Variants in MYO1E observed in about 807,000 individuals in gnomAD.
MYO1E encodes myosin IE.
In MYO1E, 68 loss-of-function variants were observed where a neutral mutation model predicts 151.1. The observed-to-expected ratio is 0.45, with a 90% CI of 0.37 to 0.55. The LOEUF is 0.55. Among genes scored for constraint, MYO1E ranks in the 20% least tolerant of loss-of-function variants. The pLI, the probability that MYO1E is intolerant of heterozygous loss-of-function variation, is 0.00. For synonymous variants in MYO1E, 601 were observed against 501.7 expected, an observed-to-expected ratio of 1.20 and a Z score of -2.64; for missense variants, 1,363 against 1,389.3, an observed-to-expected ratio of 0.98 and a Z score of 0.30.
chr15:59,175,630 T>A (rs2079620201), intron 19 of MYO1E, among the ~76,000 whole-genome samples: 1 of 152,234 alleles, frequency 6.6e-6, no homozygotes, highest in African/African-American at 2.4e-5. Flanking sequence ...CTGGACAGAA[T>A]GTTTAAAATC....
intron 4 of MYO1E, among the ~76,000 whole-genome samples, chr15:59,243,099 C>CATTTT (rs10660446): frequency 1.5e-5 from 2 of 133,456 alleles, no homozygotes; most frequent in African/African-American, 5.6e-5. Context: ...TTAGACCCTG[C>CATTTT]TTTTTTTTTT....
At chr15:59,363,390 C>T (rs574808727) in intron 1 of MYO1E, among the ~76,000 whole-genome samples, 2 of 152,324 alleles carry the variant, frequency 1.3e-5, no homozygotes, top group Admixed American at 1.3e-4. Context: ...TCATAACAGA[C>T]AATGTTCTTA....
At chr15:59,241,705 AAAAT>A (rs748984177) in intron 4 of MYO1E, among the ~76,000 whole-genome samples, 3 of 152,152 alleles carry the variant, frequency 2.0e-5, no homozygotes, top group South Asian at 4.1e-4. Context: ...CTCCATCTCA[AAAAT>A]AAATAGATAA....
At chr15:59,160,308 A>C (rs1306516578) in intron 24 of MYO1E, among the ~76,000 whole-genome samples, 1 of 148,140 alleles carries the variant, frequency 6.8e-6, no homozygotes, top group African/African-American at 2.5e-5. Flanking sequence ...AGGCCAGGGA[A>C]GGAGTTAGAC....
rs1347417394 is a variant in MYO1E at position 59,159,072 on chromosome 15, G to C, written c.2786-693C>G. On this transcript the variant is annotated intron_variant, in intron 24 of 27. Transcript: ENST00000288235. This position sits in a 1 kb window ranked among gnomAD's most constrained non-coding sequence, Gnocchi z 4.4. ...CAGGAAGGAAGGTAGGATTAAACCA[G>C]CTGGAAGAGGGGTGCAGAGGGAATT... 6.6e-6 allele frequency among the ~76,000 whole-genome samples: 1 copy of C among 152,214 alleles called. No homozygotes were observed. Among genetic ancestry groups the C allele is most frequent in the African/African-American group, 2.4e-5 (1 of 41,446 alleles).
At chr15:59,146,843 T>C (rs2079444506) in intron 26 of MYO1E, among the ~76,000 whole-genome samples, 1 of 152,096 alleles carries the variant, frequency 6.6e-6, no homozygotes, top group Non-Finnish European at 1.5e-5. Flanking sequence ...TTAGTTTTCT[T>C]ATTTTAGGGT....
intron 1 of MYO1E, among the ~76,000 whole-genome samples, chr15:59,354,666 G>C (rs1487578758): frequency 6.6e-6 from 1 of 152,200 alleles, no homozygotes; most frequent in East Asian, 1.9e-4. Flanking sequence ...GGAGTTGGGA[G>C]CTTTTGAACG....
chr15:59,279,716 G>A (rs1003676799), intron 1 of MYO1E, among the ~76,000 whole-genome samples: 2 of 152,190 alleles, frequency 1.3e-5, no homozygotes, highest in African/African-American at 2.4e-5. Context: ...TGCATGGAAG[G>A]TGCACACCAA....
chr15:59,372,547 G>C lies in MYO1E; in HGVS notation c.-47C>G, dbSNP rs1471346846. 10 of 1,535,114 alleles carry C rather than the reference G, an allele frequency of 6.5e-6. No individual in the cohort carries two copies. The East Asian group carries it at 2.5e-4, about 38-fold the overall frequency. ...GTCTTCGCCGGGTCCCGCTGCCGGG[G>C]AACTGGGGCTGGAACGCAGTCTTCT... On this transcript the variant is annotated 5_prime_UTR_variant, in exon 1 of 28. Transcript: ENST00000288235.
chr15:59,240,513 GAGAA>G (rs1596380777), intron 4 of MYO1E, among the ~76,000 whole-genome samples: 2 of 152,310 alleles, frequency 1.3e-5, no homozygotes, highest in Admixed American at 6.5e-5. Context: ...TTATTTTTCT[GAGAA>G]AGGTTATTCC....
chr15:59,267,567 C>T (rs1258072734), intron 2 of MYO1E, among the ~76,000 whole-genome samples: 1 of 152,178 alleles, frequency 6.6e-6, no homozygotes, highest in Admixed American at 6.5e-5. Context: ...GGAACAACTA[C>T]GCTGCTTTGA....
At chr15:59,280,236 C>G (rs1435827391) in intron 1 of MYO1E, among the ~76,000 whole-genome samples, 1 of 152,192 alleles carries the variant, frequency 6.6e-6, no homozygotes, top group African/African-American at 2.4e-5. Context: ...TATCAATGAA[C>G]AGTTCAAAGA....
At chr15:59,270,559 A>AG (rs1555415897) in intron 2 of MYO1E, among the ~76,000 whole-genome samples, 58 of 149,826 alleles carry the variant, frequency 3.9e-4, no homozygotes, top group East Asian at 1.8e-3. Flanking sequence ...AAAAAAAAAA[A>AG]GAAAAGAAAA....
intron 18 of MYO1E, among the ~76,000 whole-genome samples, chr15:59,181,313 C>A (rs1489972972): frequency 1.3e-5 from 2 of 152,218 alleles, no homozygotes; most frequent in Admixed American, 1.3e-4. Flanking sequence ...TATGTTTCTA[C>A]CACATTCTTC....
chr15:59,355,185 A>G (rs1268964612), intron 1 of MYO1E, among the ~76,000 whole-genome samples: 9 of 152,192 alleles, frequency 5.9e-5, no homozygotes. Context: ...AACCATGAGC[A>G]TGACAGTGTC....
intron 14 of MYO1E, chr15:59,208,183 A>C (rs2079853091): frequency 8.7e-7 from 1 of 1,148,616 alleles, no homozygotes; most frequent in Admixed American, 2.8e-5. Context: ...TAAAAGATGG[A>C]AACAGGAAAG....
At chr15:59,160,377 G>GTGTA (rs1364719608) in intron 24 of MYO1E, among the ~76,000 whole-genome samples, 35 of 141,968 alleles carry the variant, frequency 2.5e-4, no homozygotes, top group African/African-American at 8.1e-4. Flanking sequence ...GTGTGTGTGT[G>GTGTA]TGTATGGTGT....
intron 20 of MYO1E, 101 bp from the exon 21 acceptor site, chr15:59,174,016 A>G: frequency 1.3e-6 from 2 of 1,508,886 alleles, no homozygotes; most frequent in Admixed American, 3.3e-5. Flanking sequence ...ATGATGCAAT[A>G]TTTTTAGCGT....
chr15:59,298,010 T>C (rs1438722415), intron 1 of MYO1E, among the ~76,000 whole-genome samples: 1 of 152,230 alleles, frequency 6.6e-6, no homozygotes, highest in Admixed American at 6.5e-5. Context: ...AGGCAAATAA[T>C]TTTGTGTCCT....
Sources: gnomAD v4.1 joint callset for allele counts (sites outside exome capture counted in the v4.1 genomes callset) on GRCh38, gnomAD v4.1.1 for gene constraint, Gnocchi (gnomAD v3.1) non-coding constraint, MANE v1.5 for transcripts, NCBI Gene and HGNC (gene_info 2026-07-23, HGNC 2026-07-21) for gene names.